C1orf21: variants seen among roughly 807,000 people sequenced by gnomAD.
The protein encoded by C1orf21 is uncharacterized protein C1orf21.
Under a neutral mutation model 18.7 loss-of-function variants are expected in C1orf21, and 3 were observed. The observed-to-expected ratio is 0.16, with a 90% CI of 0.07 to 0.42. The LOEUF (loss-of-function observed/expected upper bound fraction) is 0.42. Among genes scored for constraint, C1orf21 ranks in the 10% least tolerant of loss-of-function variants. The pLI, the probability that C1orf21 is intolerant of heterozygous loss-of-function variation, is 0.99. For synonymous variants in C1orf21, 41 were observed against 46.4 expected, an observed-to-expected ratio of 0.88 and a Z score of 0.47; for missense variants, 104 against 143.6, an observed-to-expected ratio of 0.72 and a Z score of 1.41.
chr1:184,439,072 G>A (rs981415654), intron 1 of C1orf21, among the ~76,000 whole-genome samples: 2 of 152,002 alleles, frequency 1.3e-5, no homozygotes, highest in South Asian at 2.1e-4. Flanking sequence ...CTGGCCAGGC[G>A]TGGTGGTGCA....
intron 3 of C1orf21, among the ~76,000 whole-genome samples, chr1:184,545,238 C>G (rs1023034230): frequency 1.3e-5 from 2 of 151,982 alleles, no homozygotes; most frequent in Non-Finnish European, 2.9e-5. Context: ...CCTCTTTATG[C>G]TAAAGAATGA....
intron 4 of C1orf21, among the ~76,000 whole-genome samples, chr1:184,594,963 T>A (rs1469622638): frequency 3.3e-5 from 5 of 152,346 alleles, no homozygotes; most frequent in African/African-American, 9.6e-5. Context: ...ATTTGTTTAC[T>A]TTGCATTAAG....
intron 1 of C1orf21, among the ~76,000 whole-genome samples, chr1:184,399,602 A>G (rs1176022569): frequency 3.3e-5 from 5 of 151,914 alleles, no homozygotes; most frequent in Non-Finnish European, 5.9e-5. Flanking sequence ...CAATCTGCCC[A>G]CCTTTGGCTC....
chr1:184,498,832 A>T (rs930535041), intron 2 of C1orf21, among the ~76,000 whole-genome samples: 2 of 152,228 alleles, frequency 1.3e-5, no homozygotes, highest in East Asian at 3.8e-4. Context: ...AATTTACTTC[A>T]CTACCCATTT....
chr1:184,429,154 T>C (rs1656692285), intron 1 of C1orf21, among the ~76,000 whole-genome samples: 1 of 152,218 alleles, frequency 6.6e-6, no homozygotes, highest in Admixed American at 6.5e-5. Flanking sequence ...AGCGATTTGG[T>C]CCTAGAGGAG....
chr1:184,441,373 G>T (rs1294161449), intron 1 of C1orf21, among the ~76,000 whole-genome samples: 1 of 152,196 alleles, frequency 6.6e-6, no homozygotes, highest in African/African-American at 2.4e-5. Context: ...GCGAAGACCT[G>T]GTTTGTCCAG....
chr1:184,470,378 G>A (rs1305687782), intron 1 of C1orf21, among the ~76,000 whole-genome samples: 1 of 152,104 alleles, frequency 6.6e-6, no homozygotes, highest in Non-Finnish European at 1.5e-5. Flanking sequence ...GAAAAAAAAG[G>A]GGGAAAACAG....
At chr1:184,519,447 C>T (rs1487323270) in intron 3 of C1orf21, among the ~76,000 whole-genome samples, 1 of 152,182 alleles carries the variant, frequency 6.6e-6, no homozygotes, top group East Asian at 1.9e-4. Flanking sequence ...CCTGTTTGAT[C>T]TACATGGTCA....
chr1:184,445,343 C>CCTCTCTCTCTCTCTCTCT lies in C1orf21; in HGVS notation c.-124-32029_-124-32012dup, dbSNP rs57710614. On this transcript the variant is annotated intron_variant, in intron 1 of 5. Transcript: ENST00000235307. ...TGTAAAACCACGCCCTTTTTTCAGA[C>CCTCTCTCTCTCTCTCTCT]CTCTCTCTCTCTCTCTCTCTCTCTC... is the stretch of plus-strand genomic sequence containing the variant. 2.7e-3 allele frequency among the ~76,000 whole-genome samples: 361 copies of CCTCTCTCTCTCTCTCTCT among 134,850 alleles called. 4 individuals carry two copies. Among genetic ancestry groups the CCTCTCTCTCTCTCTCTCT allele is most frequent in the African/African-American group, 9.5e-3 (330 of 34,818 alleles). 88.5% of individuals were successfully genotyped at this position (134,850 alleles called of 152,430 possible).
chr1:184,557,338 G>T (rs545944137), intron 3 of C1orf21, among the ~76,000 whole-genome samples: 1 of 151,890 alleles, frequency 6.6e-6, no homozygotes. Flanking sequence ...TGAGATTTTG[G>T]TGCACCCATC....
intron 1 of C1orf21, among the ~76,000 whole-genome samples, chr1:184,425,847 C>T (rs35920807): frequency 1.3e-5 from 2 of 152,216 alleles, no homozygotes; most frequent in Non-Finnish European, 2.9e-5. Context: ...TCTCAGTCCG[C>T]CTTGAATTAG....
At chr1:184,602,849 T>A (rs185295187) in intron 5 of C1orf21, among the ~76,000 whole-genome samples, 26 of 152,254 alleles carry the variant, frequency 1.7e-4, no homozygotes, top group Non-Finnish European at 3.4e-4. Context: ...TATGAAGATG[T>A]AAGACCCTAG....
intron 5 of C1orf21, among the ~76,000 whole-genome samples, chr1:184,618,532 C>CA (rs1194950826): frequency 6.6e-6 from 1 of 151,132 alleles, no homozygotes; most frequent in Non-Finnish European, 1.5e-5. Flanking sequence ...ATAATGTGAC[C>CA]AAAAAACATG....
At chr1:184,412,909 G>A (rs1223075785) in intron 1 of C1orf21, among the ~76,000 whole-genome samples, 1 of 152,230 alleles carries the variant, frequency 6.6e-6, no homozygotes, top group Non-Finnish European at 1.5e-5. Context: ...ATTTCTCCTT[G>A]TGAAGGGACA....
intron 1 of C1orf21, among the ~76,000 whole-genome samples, chr1:184,427,927 C>G (rs1656667323): frequency 6.6e-6 from 1 of 152,144 alleles, no homozygotes; most frequent in Non-Finnish European, 1.5e-5. Flanking sequence ...AGGTAAGGGC[C>G]TTATGTCCAC....
intron 1 of C1orf21, among the ~76,000 whole-genome samples, chr1:184,439,636 A>C (rs554070973): frequency 6.6e-6 from 1 of 152,164 alleles, no homozygotes; most frequent in African/African-American, 2.4e-5. Context: ...CAATTTGTAA[A>C]GTACTTGAGA....
At chr1:184,565,609 G>C (rs1659024188) in intron 3 of C1orf21, among the ~76,000 whole-genome samples, 1 of 152,184 alleles carries the variant, frequency 6.6e-6, no homozygotes, top group Non-Finnish European at 1.5e-5. Context: ...ATTATTTGGG[G>C]TGTCCCCCTG....
intron 3 of C1orf21, among the ~76,000 whole-genome samples, chr1:184,531,216 G>GTATTTTGTATA (rs1413228894): frequency 1.6e-4 from 25 of 152,048 alleles, no homozygotes; most frequent in South Asian, 4.1e-4. Context: ...TTTGTATCTG[G>GTATTTTGTATA]CTTTGGTGTT....
rs1481436569 is a variant in C1orf21 at position 184,582,841 on chromosome 1, G to GTTT, written c.190-7897_190-7895dup. Among the ~76,000 whole-genome samples, 13 of 152,062 alleles carry GTTT rather than the reference G, an allele frequency of 8.5e-5. No homozygotes were observed. The East Asian group carries it at 2.3e-3, about 27-fold the overall frequency. On this transcript the variant is annotated intron_variant, in intron 3 of 5. Coordinates refer to ENST00000235307, the MANE Select transcript of C1orf21 (RefSeq NM_030806.4). Reference sequence around the variant, plus strand: ...GGAATGTTTTTTTGTTTGTTTGTTTGTTTGTTTTGTTTTTTGAGGCGGAAT... The same window carrying GTTT: ...GGAATGTTTTTTTGTTTGTTTGTTTGTTTTTTGTTTTGTTTTTTGAGGCGGAAT...
Sources: allele counts gnomAD v4.1 joint callset (sites outside exome capture counted in the v4.1 genomes callset), GRCh38; gene constraint gnomAD v4.1.1; transcripts MANE v1.5; gene names NCBI Gene and HGNC (gene_info 2026-07-23, HGNC 2026-07-21).